PHF21B: variants seen among roughly 807,000 people sequenced by gnomAD.
PHF21B encodes the protein PHD finger protein 4.
In PHF21B, 22 loss-of-function variants were observed where a neutral mutation model predicts 62.2. The ratio of observed to expected loss-of-function variants is 0.35; its 90% CI spans 0.25 to 0.51. PHF21B has a LOEUF of 0.51. Among genes scored for constraint, PHF21B ranks in the 20% least tolerant of loss-of-function variants. The pLI is 0.97. For synonymous variants in PHF21B, 341 were observed against 314.7 expected (o/e 1.08, Z -0.88); for missense variants, 701 against 707.9 (o/e 0.99, Z 0.11).
At chr22:44,885,149 G>GGTGAACAGT (rs2070833070) in intron 12 of PHF21B, among the ~76,000 whole-genome samples, 1 of 152,216 alleles carries the variant, frequency 6.6e-6, no homozygotes. Flanking sequence ...AGGCCTTACA[G>GGTGAACAGT]GTGAACAGTG....
intron 5 of PHF21B, among the ~76,000 whole-genome samples, chr22:44,909,920 C>T (rs986743148): frequency 3.9e-5 from 6 of 152,314 alleles, no homozygotes; most frequent in African/African-American, 7.2e-5. Context: ...AATTCTCTCA[C>T]GACACACGCA....
intron 2 of PHF21B, among the ~76,000 whole-genome samples, chr22:44,958,822 G>A (rs971258977): frequency 2.0e-5 from 3 of 151,638 alleles, no homozygotes; most frequent in African/African-American, 7.3e-5. Flanking sequence ...TTTGTATTTT[G>A]TAGAGACGGG....
At chr22:44,884,137 TCAC>T (rs149966862) in intron 12 of PHF21B, among the ~76,000 whole-genome samples, 70 of 114,754 alleles carry the variant, frequency 6.1e-4, no homozygotes, top group East Asian at 4.2e-3. Context: ...ATCACCATTA[TCAC>T]CACCACCACC....
chr22:44,935,402 C>G (rs969570140), intron 2 of PHF21B, among the ~76,000 whole-genome samples: 4 of 152,130 alleles, frequency 2.6e-5, no homozygotes, highest in African/African-American at 9.7e-5. Flanking sequence ...ATCACGAGGT[C>G]AGGAGATCGA....
intron 2 of PHF21B, among the ~76,000 whole-genome samples, chr22:44,953,134 C>T (rs2072226780): frequency 1.3e-5 from 2 of 152,162 alleles, no homozygotes; most frequent in East Asian, 3.8e-4. Flanking sequence ...GAACACTGAG[C>T]CAGAAGGAGA....
intron 2 of PHF21B, among the ~76,000 whole-genome samples, chr22:44,972,216 T>G (rs1421550440): frequency 1.3e-5 from 2 of 152,254 alleles, no homozygotes; most frequent in African/African-American, 4.8e-5. Flanking sequence ...ACCAGAGACA[T>G]GACTCAGATG....
chr22:44,977,357 G>C (rs904087896), intron 2 of PHF21B, among the ~76,000 whole-genome samples: 1 of 151,530 alleles, frequency 6.6e-6, no homozygotes, highest in Non-Finnish European at 1.5e-5. Context: ...CAGAGGTCAG[G>C]AGTTTGAGAC....
At chr22:44,957,702 ATAG>A (rs2147406917) in intron 2 of PHF21B, among the ~76,000 whole-genome samples, 2 of 152,090 alleles carry the variant, frequency 1.3e-5, no homozygotes, top group East Asian at 3.9e-4. Flanking sequence ...GCTAACCTAA[ATAG>A]GTTTCTCTCC....
Position 44,891,319 on chromosome 22 carries a change from G to C in PHF21B, c.1002C>G (p.Phe334Leu). ...GCCGGTGCTTACCTCTCGCTGTGAG[G>C]AACAGGGGGTTGTTGAGATAGTTGG... Reference protein sequence around the residue: ...LASNYLNNPLFLTARANEDPC... With the variant: ...LASNYLNNPLLLTARANEDPC... The change falls in exon 8 of 13, where the codon TTC becomes TTG. Residue 334 changes from phenylalanine (F) to leucine (L), a missense_variant. By Grantham distance (22) the Phe-to-Leu change is conservative. Transcript: ENST00000313237. The C allele has an allele frequency of 6.2e-7, 1 of 1,613,996 alleles. No individual in the cohort carries two copies. The highest frequency in any genetic ancestry group is 1.1e-5 in the South Asian group (1 of 90,976).
chr22:44,933,745 A>T (rs925133843), intron 2 of PHF21B, among the ~76,000 whole-genome samples: 3 of 152,126 alleles, frequency 2.0e-5, no homozygotes, highest in Non-Finnish European at 2.9e-5. Flanking sequence ...AGACAGACAG[A>T]CAGACAGAGA....
At chr22:44,886,910 T>C (rs1226032946) in intron 10 of PHF21B, among the ~76,000 whole-genome samples, 1 of 152,036 alleles carries the variant, frequency 6.6e-6, no homozygotes, top group East Asian at 1.9e-4. Context: ...ATCCCAGCAC[T>C]CTGGGAGGTC....
At chr22:44,901,471 G>A (rs1311420531) in intron 5 of PHF21B, 1 of 203,138 alleles carries the variant, frequency 4.9e-6, no homozygotes. Flanking sequence ...CATCATTCTG[G>A]TTTCCTTCTT....
chr22:44,914,913 T>C (rs1319812107), intron 4 of PHF21B, among the ~76,000 whole-genome samples: 1 of 152,186 alleles, frequency 6.6e-6, no homozygotes, highest in African/African-American at 2.4e-5. Context: ...GACAGGAAAT[T>C]GGGAAAGAAT....
chr22:44,926,613 T>C (rs762977), intron 2 of PHF21B, among the ~76,000 whole-genome samples: 85,407 of 152,134 alleles, frequency 0.56, 25,587 homozygotes, highest in East Asian at 0.89. Context: ...CTGGGTGGGC[T>C]GAGGAGGCCG....
intron 12 of PHF21B, 99 bp from the exon 13 acceptor site, chr22:44,883,403 G>A (rs2070773075): frequency 8.6e-7 from 1 of 1,163,282 alleles, no homozygotes; most frequent in Non-Finnish European, 1.2e-6. Flanking sequence ...CACTACAAAG[G>A]CCTACAAGAA....
intron 2 of PHF21B, among the ~76,000 whole-genome samples, chr22:44,936,430 C>A (rs5766211): frequency 6.6e-6 from 1 of 152,034 alleles, no homozygotes; most frequent in Non-Finnish European, 1.5e-5. Flanking sequence ...GCCCTGTCGC[C>A]TCCTGTCCCC....
chr22:44,899,313 G>A (rs111662130), intron 5 of PHF21B, among the ~76,000 whole-genome samples: 22 of 136,962 alleles, frequency 1.6e-4, no homozygotes, highest in African/African-American at 4.5e-4. Flanking sequence ...TTTTTGAGAC[G>A]GAGCTTCGCT....
intron 5 of PHF21B, among the ~76,000 whole-genome samples, chr22:44,909,399 C>A (rs991526170): frequency 6.6e-6 from 1 of 152,234 alleles, no homozygotes; most frequent in Non-Finnish European, 1.5e-5. Context: ...CACAGTGCAC[C>A]TGCAGGTGCA....
At chr22:44,939,764 G>A (rs1217252986) in intron 2 of PHF21B, among the ~76,000 whole-genome samples, 1 of 152,142 alleles carries the variant, frequency 6.6e-6, no homozygotes, top group Non-Finnish European at 1.5e-5. Flanking sequence ...AGGAGGGTGG[G>A]TCTGAGGAAG....
Sources: gnomAD v4.1 joint callset for allele counts (sites outside exome capture counted in the v4.1 genomes callset) on GRCh38, gnomAD v4.1.1 for gene constraint, MANE v1.5 for transcripts, NCBI Gene and HGNC (gene_info 2026-07-23, HGNC 2026-07-21) for gene names.